HEATR1: variants seen among roughly 807,000 people sequenced by gnomAD.
The protein encoded by HEATR1 is HEAT repeat-containing protein 1.
HEATR1 carries 77 observed loss-of-function variants against 248.2 expected under a neutral mutation model. The ratio of observed to expected loss-of-function variants is 0.31; its 90% confidence interval spans 0.26 to 0.37. HEATR1 has a LOEUF of 0.37. Ranked by LOEUF, HEATR1 falls within the 10% of genes least tolerant of loss-of-function variation. The pLI is 1.00. For synonymous variants in HEATR1, 897 were observed against 923.1 expected (o/e 0.97, Z 0.51); for missense variants, 2,420 against 2,504.9 (o/e 0.97, Z 0.72).
chr1:236,578,756 C>G (rs1663633183), intron 20 of HEATR1, among the ~76,000 whole-genome samples: 1 of 152,136 alleles, frequency 6.6e-6, no homozygotes. Flanking sequence ...TAGGCTTTCT[C>G]AATTTTCAAT....
Position 236,568,998 on chromosome 1 carries a change from G to A in HEATR1, c.4075C>T (p.Gln1359Ter). 6.3e-7 allele frequency: 1 copy of A among 1,576,776 alleles called. No individual in the cohort carries two copies. The highest frequency in any genetic ancestry group is 8.6e-7 in the Non-Finnish European group (1 of 1,165,588). ...ACGATGGTATAAAGAGACCTTACCTGAATAAGTGCGGGAATAACCATTTTC... is the reference window on the plus strand; with the variant it reads ...ACGATGGTATAAAGAGACCTTACCTAAATAAGTGCGGGAATAACCATTTTC... ...TVKMVIPALI[Q>*]SDSGDSIEVS... Residue 1359 changes from glutamine to a stop codon, truncating the protein, a stop_gained and splice_region_variant, in exon 29 of 45, where the codon CAG becomes TAG. Coordinates refer to ENST00000366582, the MANE Select transcript of HEATR1 (RefSeq NM_018072.6). LOFTEE classifies it high-confidence loss of function.
chr1:236,586,225 C>A lies in HEATR1; in HGVS notation c.1927+16G>T. On this transcript the variant is annotated intron_variant, in intron 15 of 44. Coordinates refer to ENST00000366582, the MANE Select transcript of HEATR1 (RefSeq NM_018072.6). ...TATCTGTTCACTTTTTCTAAAAAAA[C>A]AACTGAATTTTTTACCTTCTTCCCA... 1 of 1,571,760 alleles carries A rather than the reference C, an allele frequency of 6.4e-7. No individual in the cohort carries two copies. The highest frequency in any genetic ancestry group is 8.6e-7 in the Non-Finnish European group (1 of 1,157,130).
chr1:236,598,189 T>C lies in HEATR1; in HGVS notation c.502-210A>G, dbSNP rs546587415. Among the ~76,000 whole-genome samples, 440 of 152,262 alleles carry C rather than the reference T, an allele frequency of 2.9e-3. 5 individuals carry two copies. Among genetic ancestry groups the C allele is most frequent in the African/African-American group, 1.0e-2 (414 of 41,536 alleles). ...AGAAGGTCAGCAATGAGGGCAGAGG[T>C]ATTTAGTGAAAGATGTTTGCTTATC... On this transcript the variant is annotated intron_variant, in intron 4 of 44. Transcript: ENST00000366582.
chr1:236,588,807 C>G (rs1041724005), intron 12 of HEATR1, among the ~76,000 whole-genome samples: 4 of 152,098 alleles, frequency 2.6e-5, no homozygotes, highest in African/African-American at 9.7e-5. Flanking sequence ...TGAAAATTCA[C>G]AGAATTCACA....
intron 29 of HEATR1, among the ~76,000 whole-genome samples, chr1:236,567,190 G>T (rs2799431): frequency 1.3e-5 from 2 of 151,788 alleles, no homozygotes; most frequent in South Asian, 4.2e-4. Flanking sequence ...TATGTTGACC[G>T]GGCTGTTCTC....
chr1:236,587,147 T>C, intron 14 of HEATR1, among the ~76,000 whole-genome samples: 1 of 152,130 alleles, frequency 6.6e-6, no homozygotes. Flanking sequence ...CAGAATGCAA[T>C]ATCATACATT....
In HEATR1 at chr1:236,583,096, A is replaced by T. The variant is rs528453790; in HGVS notation, c.2342T>A (p.Val781Glu). 123 of 1,613,992 alleles carry T rather than the reference A, an allele frequency of 7.6e-5. No individual in the cohort carries two copies. Among genetic ancestry groups the T allele is most frequent in the Non-Finnish European group, 9.8e-5 (116 of 1,179,998 alleles). ...AAGAAAAACCGAGTCCTCCACGGCCACCCTCTGAGTGCTGTTGAGCTCTTC... is the reference window on the plus strand; with the variant it reads ...AAGAAAAACCGAGTCCTCCACGGCCTCCCTCTGAGTGCTGTTGAGCTCTTC... ...YVEELNSTQRVAVEDSVFLVF... is the reference protein window; with the variant it reads ...YVEELNSTQREAVEDSVFLVF... Residue 781 changes from valine (V) to glutamate (E), a missense_variant, in exon 18 of 45, where the codon GTG becomes GAG. By Grantham distance (121) the Val-to-Glu change is moderately radical (BLOSUM62 -2). Coordinates refer to ENST00000366582, the MANE Select transcript of HEATR1 (RefSeq NM_018072.6).
chr1:236,584,590 A>C (rs1450201492), intron 17 of HEATR1, among the ~76,000 whole-genome samples: 1 of 152,228 alleles, frequency 6.6e-6, no homozygotes, highest in Non-Finnish European at 1.5e-5. Flanking sequence ...ACTATGAAAG[A>C]CAGTAGTAGG....
rs374847594 is a variant in HEATR1, at chr1:236,558,299, C to T, written c.5142G>A (p.Ala1714=). ...AGGTCACCTCTGCTATGCACAGCAGCGCGCTTCCCAGGACATTCTTCTCCT... is the reference window on the plus strand; with the variant it reads ...AGGTCACCTCTGCTATGCACAGCAGTGCGCTTCCCAGGACATTCTTCTCCT... ...RKEEKNVLGS[A]LLCIAEVTST... is the part of the protein sequence containing the mutation. Residue 1714 remains alanine (A), a synonymous_variant, in exon 36 of 45, where the codon GCG becomes GCA. Coordinates refer to ENST00000366582, the MANE Select transcript of HEATR1 (RefSeq NM_018072.6). 7.9e-5 allele frequency: 127 copies of T among 1,614,094 alleles called. No individual in the cohort carries two copies. The Middle Eastern group carries it at 1.2e-3, about 15-fold the overall frequency.
At chr1:236,581,890 A>C (rs1455787970) in intron 19 of HEATR1, among the ~76,000 whole-genome samples, 1 of 152,192 alleles carries the variant, frequency 6.6e-6, no homozygotes, top group African/African-American at 2.4e-5. Flanking sequence ...TAACCAATCA[A>C]AAAGACTGGG....
In HEATR1 at chr1:236,586,436, T is replaced by C. The variant is rs1558189046; in HGVS notation, c.1732A>G (p.Ile578Val). ...KNGEWYEVLKIAADILIKEEI... is the reference protein window; with the variant it reads ...KNGEWYEVLKVAADILIKEEI... ...TCTTTAATTAATATGTCAGCGGCTA[T>C]CTTAAGTACCTCGTACCTAAAAGAC... Residue 578 changes from isoleucine (I) to valine (V), a missense_variant, in exon 15 of 45, where the codon ATA becomes GTA. Ile to Val is a conservative substitution (Grantham distance 29). Transcript: ENST00000366582. The C allele has an allele frequency of 6.2e-7, 1 of 1,612,198 alleles. No individual in the cohort carries two copies. The highest frequency in any genetic ancestry group is 1.3e-5 in the African/African-American group (1 of 74,966).
rs1031172450 is a variant in HEATR1, at chr1:236,590,902, G to T, written c.1475C>A (p.Ala492Asp). ...SLMLSLNHPL[A>D]PVRILAMNHL... is the part of the protein sequence containing the mutation. ...ATTCATGGCCAGAATTCTCACAGGA[G>T]CAAGTGGATGATTCAGGCTGAGCAT... is the stretch of plus-strand genomic sequence containing the variant. Residue 492 changes from alanine (A) to aspartate (D), a missense_variant, in exon 12 of 45, where the codon GCT becomes GAT. Coordinates refer to ENST00000366582, the MANE Select transcript of HEATR1 (RefSeq NM_018072.6). The T allele has an allele frequency of 6.6e-7, 1 of 1,521,652 alleles. No homozygotes were observed. Among genetic ancestry groups the T allele is most frequent in the Non-Finnish European group, 8.9e-7 (1 of 1,125,168 alleles). 94.3% of individuals were successfully genotyped at this position (1,521,652 alleles called of 1,614,324 possible).
rs1664375294 is a variant in HEATR1 at position 236,603,285 on chromosome 1, C to T, written c.234G>A (p.Glu78=). 1.9e-6 allele frequency: 3 copies of T among 1,614,158 alleles called. No homozygotes were observed. The highest frequency in any genetic ancestry group is 2.5e-6 in the Non-Finnish European group (3 of 1,180,000). Residue 78 remains glutamate (E), a synonymous_variant, in exon 3 of 45, where the codon GAG becomes GAA. Coordinates refer to ENST00000366582, the MANE Select transcript of HEATR1 (RefSeq NM_018072.6). ...TTACTGCTTTGGTCTGAACACTTCG[C>T]TCCAAGGTTTTTGCTAGCTGACTGA... ...PLFSQLAKTL[E]RSVQTKAVNK... is the part of the protein sequence containing the mutation.
intron 30 of HEATR1, 91 bp from the exon 31 acceptor site, chr1:236,566,136 AC>A: frequency 8.0e-7 from 1 of 1,253,628 alleles, no homozygotes; most frequent in Non-Finnish European, 1.1e-6. Context: ...TTCTAGCAGA[AC>A]AGAGTATACT....
chr1:236,602,494 A>G (rs567229210), intron 3 of HEATR1, among the ~76,000 whole-genome samples: 1 of 152,354 alleles, frequency 6.6e-6, no homozygotes, highest in Non-Finnish European at 1.5e-5. Context: ...GTTTTTCTCA[A>G]GCAATGGTAT....
At chr1:236,568,916 A>T (rs1558182089) in intron 29 of HEATR1, 80 bp downstream of exon 29, 1 of 1,050,848 alleles carries the variant, frequency 9.5e-7, no homozygotes, top group Non-Finnish European at 1.2e-6. Flanking sequence ...AAAAACTAAA[A>T]AAAAGGCTTT....
Position 236,552,053 on chromosome 1 carries a change from TCTC to T in HEATR1, c.6289_6291del (p.Glu2097del), listed in dbSNP as rs1662771134. Reference sequence around the variant, plus strand: ...GATTCTGGTAGCAAGACAATATAATTCTCCTTTAGTTTTTCAGCCAGTGCTAAC... The same window carrying T: ...GATTCTGGTAGCAAGACAATATAATTCTTTAGTTTTTCAGCCAGTGCTAAC... On this transcript the variant is annotated inframe_deletion, in exon 44 of 45. Transcript: ENST00000366582. The T allele has an allele frequency of 5.6e-6, 9 of 1,613,584 alleles. No individual in the cohort carries two copies. The East Asian group carries it at 1.6e-4, about 28-fold the overall frequency.
At chr1:236,567,953 T>G (rs944985364) in intron 29 of HEATR1, among the ~76,000 whole-genome samples, 1 of 152,202 alleles carries the variant, frequency 6.6e-6, no homozygotes, top group Non-Finnish European at 1.5e-5. Context: ...GTGATCAAAA[T>G]ATAGTTGTTG....
At chr1:236,574,589 G>A (rs1663516748) in intron 23 of HEATR1, 72 bp downstream of exon 23, 4 of 1,428,594 alleles carry the variant, frequency 2.8e-6, no homozygotes, top group Non-Finnish European at 3.8e-6. Context: ...TTTTTTTAAC[G>A]CTGTTCCTGT....
Sources: gnomAD v4.1 joint callset for allele counts (sites outside exome capture counted in the v4.1 genomes callset) on GRCh38, gnomAD v4.1.1 for gene constraint, MANE v1.5 for transcripts, NCBI Gene and HGNC (gene_info 2026-07-23, HGNC 2026-07-21) for gene names.